Variants in GARRE1 observed in about 807,000 individuals in gnomAD.
The protein encoded by GARRE1 is granule associated Rac and RHOG effector protein 1.
A neutral mutation model predicts 103.2 loss-of-function variants in GARRE1; 49 were observed. The observed-to-expected ratio is 0.47, with a 90% confidence interval of 0.38 to 0.60. The LOEUF (loss-of-function observed/expected upper bound fraction) is 0.60, where lower values mean the gene tolerates loss of function less well. Among genes scored for constraint, GARRE1 ranks in the 20% least tolerant of loss-of-function variants. The pLI is 0.00. For synonymous variants in GARRE1, 505 were observed against 532.8 expected, an observed-to-expected ratio of 0.95 and a Z score of 0.72; for missense variants, 1,199 against 1,370.5, an observed-to-expected ratio of 0.87 and a Z score of 1.98.
chr19:34,346,495 T>C (rs1401636669), intron 10 of GARRE1, among the ~76,000 whole-genome samples: 11 of 152,134 alleles, frequency 7.2e-5, no homozygotes, highest in Non-Finnish European at 1.5e-5. Context: ...GCATATAACC[T>C]CTATCTGGCT....
At chr19:34,290,287 C>T (rs1253928161) in intron 1 of GARRE1, among the ~76,000 whole-genome samples, 5 of 151,906 alleles carry the variant, frequency 3.3e-5, no homozygotes, top group South Asian at 2.1e-4. Context: ...GCCCAGGAGG[C>T]GGAGCTTGCA....
intron 8 of GARRE1, among the ~76,000 whole-genome samples, chr19:34,335,036 C>G: frequency 6.6e-6 from 1 of 151,670 alleles, no homozygotes; most frequent in East Asian, 1.9e-4. Context: ...GAGCGAGACT[C>G]CGTCTCCAAG....
intron 1 of GARRE1, among the ~76,000 whole-genome samples, chr19:34,287,888 A>G (rs1285140362): frequency 3.9e-5 from 6 of 152,132 alleles, no homozygotes; most frequent in African/African-American, 7.2e-5. Flanking sequence ...TACCATCACA[A>G]TGGGAATTAG....
intron 1 of GARRE1, among the ~76,000 whole-genome samples, chr19:34,264,925 C>T (rs537297540): frequency 1.3e-5 from 2 of 152,046 alleles, no homozygotes; most frequent in African/African-American, 2.4e-5. Flanking sequence ...CTACATTAAC[C>T]GTGAGTCTGT....
rs115988577 is a variant in GARRE1 at position 34,309,859 on chromosome 19, G to A, written c.495+8891G>A. Among the ~76,000 whole-genome samples the A allele has an allele frequency of 3.6e-3, 544 of 152,260 alleles. 3 individuals are homozygous for A. Among genetic ancestry groups the A allele is most frequent in the African/African-American group, 0.012 (517 of 41,550 alleles). On this transcript the variant is annotated intron_variant, in intron 2 of 13. Coordinates refer to ENST00000299505, the MANE Select transcript of GARRE1 (RefSeq NM_014686.5). ...AAAGGGGAGCATTATTGAGTAGTTA[G>A]AAAACCCAAGGTGTAGGGATGAAGA...
intron 1 of GARRE1, among the ~76,000 whole-genome samples, chr19:34,290,296 C>G (rs907921462): frequency 1.3e-5 from 2 of 151,942 alleles, no homozygotes; most frequent in Non-Finnish European, 2.9e-5. Context: ...GCGGAGCTTG[C>G]AGTGAACCAA....
At position 34,256,990 on chromosome 19, in the gene GARRE1, C is replaced by T. The variant is rs558280696; in HGVS notation, c.-796+2376C>T. Among the ~76,000 whole-genome samples, 100 of 152,144 alleles carry T rather than the reference C, an allele frequency of 6.6e-4. 1 individual carries two copies. Among genetic ancestry groups the T allele is most frequent in the Non-Finnish European group, 5.9e-5 (4 of 68,012 alleles). ...TATGAAGAGTTCAGGTTTGTTGTGGCAACTTTTCAGTGTGGCATTTGAGAT... is the reference window on the plus strand; with the variant it reads ...TATGAAGAGTTCAGGTTTGTTGTGGTAACTTTTCAGTGTGGCATTTGAGAT... On this transcript the variant is annotated intron_variant, in intron 1 of 13. Transcript: ENST00000299505.
At position 34,352,964 on chromosome 19, in the gene GARRE1, C is replaced by A. The variant is rs1052190869; in HGVS notation, c.*9C>A. 7.0e-7 allele frequency: 1 copy of A among 1,424,428 alleles called. No individual in the cohort carries two copies. Among genetic ancestry groups the A allele is most frequent in the Non-Finnish European group, 9.3e-7 (1 of 1,078,824 alleles). 88.2% of individuals were successfully genotyped at this position (1,424,428 alleles called of 1,614,324 possible). A position where few individuals can be genotyped will look rare whatever the true frequency, so the allele number is the denominator to read the frequency against. On this transcript the variant is annotated 3_prime_UTR_variant, in exon 14 of 14. Coordinates refer to ENST00000299505, the MANE Select transcript of GARRE1 (RefSeq NM_014686.5). ...ATCTGCCCCAGTACTGACCCCAGGC[C>A]AGCCAGCCTGCCTGCCTGCCTGCCT... is the stretch of plus-strand genomic sequence containing the variant.
intron 2 of GARRE1, among the ~76,000 whole-genome samples, chr19:34,307,592 C>T (rs1182278228): frequency 6.9e-6 from 1 of 144,674 alleles, no homozygotes; most frequent in African/African-American, 2.5e-5. Context: ...TATATATATA[C>T]ACATACGCAC....
At chr19:34,263,053 A>G (rs886749503) in intron 1 of GARRE1, among the ~76,000 whole-genome samples, 11 of 152,038 alleles carry the variant, frequency 7.2e-5, no homozygotes, top group Admixed American at 6.6e-4. Flanking sequence ...CCTCTACTAA[A>G]AATACAAAAA....
intron 10 of GARRE1, among the ~76,000 whole-genome samples, chr19:34,344,091 C>T (rs1442806199): frequency 6.6e-6 from 1 of 151,822 alleles, no homozygotes; most frequent in East Asian, 1.9e-4. Context: ...CATCTTTTTG[C>T]TGATAATAGA....
chr19:34,341,342 A>G (rs772709409), intron 9 of GARRE1, 80 bp from the exon 10 acceptor site: 1 of 1,244,188 alleles, frequency 8.0e-7, no homozygotes, highest in South Asian at 1.4e-5. Flanking sequence ...TCTCAACGCC[A>G]TTCTTAAATA....
intron 2 of GARRE1, among the ~76,000 whole-genome samples, chr19:34,302,084 G>A (rs1245039170): frequency 3.6e-5 from 5 of 138,600 alleles, no homozygotes; most frequent in Admixed American, 8.1e-5. Context: ...TCCACCTCCC[G>A]AGTTCAAGTG....
intron 10 of GARRE1, among the ~76,000 whole-genome samples, chr19:34,343,362 A>G (rs1489829351): frequency 1.3e-5 from 2 of 151,762 alleles, no homozygotes; most frequent in Non-Finnish European, 2.9e-5. Context: ...CCTTGACCCC[A>G]GGATTTTGAG....
chr19:34,271,484 G>A (rs1030751413), intron 1 of GARRE1, among the ~76,000 whole-genome samples: 19 of 151,776 alleles, frequency 1.3e-4, no homozygotes, highest in Non-Finnish European at 2.6e-4. Context: ...TCCTGACCTC[G>A]TCATCCACCC....
In GARRE1 at chr19:34,341,885, G is replaced by A; in HGVS notation, c.1951G>A (p.Asp651Asn). 1 of 1,614,210 alleles carries A rather than the reference G, an allele frequency of 6.2e-7. No individual in the cohort carries two copies. The highest frequency in any genetic ancestry group is 1.3e-5 in the African/African-American group (1 of 75,044). Residue 651 changes from aspartate (D) to asparagine (N), a missense_variant, in exon 10 of 14, where the codon GAT becomes AAT. Physicochemically the swap from Asp to Asn is conservative, Grantham distance 23. Coordinates refer to ENST00000299505, the MANE Select transcript of GARRE1 (RefSeq NM_014686.5). The part of the protein sequence containing the change: ...PTDQEMQEVI[D>N]FLSGFNMGQS... ...TGATCAGGAAATGCAAGAGGTGATA[G>A]ATTTTCTCTCGGGCTTTAACATGGG...
intron 1 of GARRE1, among the ~76,000 whole-genome samples, chr19:34,261,860 C>T (rs896098075): frequency 5.3e-5 from 8 of 152,182 alleles, no homozygotes; most frequent in East Asian, 1.9e-4. Flanking sequence ...CGACTCACTG[C>T]GCTAACCAGG....
intron 1 of GARRE1, among the ~76,000 whole-genome samples, chr19:34,271,267 T>A (rs1352141854): frequency 6.7e-6 from 1 of 148,626 alleles, no homozygotes; most frequent in Non-Finnish European, 1.5e-5. Flanking sequence ...TTTTTTTTTT[T>A]AGATGAAGTC....
At chr19:34,351,703 A>G in intron 13 of GARRE1, 111 bp downstream of exon 13, 1 of 765,100 alleles carries the variant, frequency 1.3e-6, no homozygotes, top group East Asian at 2.7e-5. Context: ...ATTTTGTGTA[A>G]ATGATTAGCC....
Sources: gnomAD v4.1 joint callset for allele counts (sites outside exome capture counted in the v4.1 genomes callset) on GRCh38, gnomAD v4.1.1 for gene constraint, MANE v1.5 for transcripts, NCBI Gene and HGNC (gene_info 2026-07-23, HGNC 2026-07-21) for gene names.